Variants in DNAJA2 observed in about 807,000 individuals in gnomAD.
DNAJA2 encodes the protein dnaJ homolog subfamily A member 2.
A neutral mutation model predicts 49.3 loss-of-function variants in DNAJA2; 6 were observed. That is an observed-to-expected ratio of 0.12 (90% CI 0.07 to 0.24). The LOEUF (loss-of-function observed/expected upper bound fraction) is 0.24. Ranked by LOEUF, DNAJA2 falls within the 10% of genes least tolerant of loss-of-function variation. The pLI, the probability that DNAJA2 is intolerant of heterozygous loss-of-function variation, is 1.00. For missense variants in DNAJA2, 347 were observed against 516.8 expected (o/e 0.67, Z 3.19); for synonymous variants, 160 against 172.7 (o/e 0.93, Z 0.58).
intron 3 of DNAJA2, among the ~76,000 whole-genome samples, chr16:46,968,982 G>A (rs1962010877): frequency 6.6e-6 from 1 of 152,212 alleles, no homozygotes; most frequent in Non-Finnish European, 1.5e-5. Flanking sequence ...TGGAGATTGA[G>A]GCTGCAGTGA....
In DNAJA2 at chr16:46,968,076, A is replaced by C; in HGVS notation, c.443+8T>G. The C allele has an allele frequency of 6.3e-7, 1 of 1,591,690 alleles. No individual in the cohort carries two copies. The highest frequency in any genetic ancestry group is 1.1e-5 in the South Asian group (1 of 87,192). ...AAATGTACCCAATAAACCAGAAGACACACTTACCCACTGCATGCACTACAG... is the reference window on the plus strand; with the variant it reads ...AAATGTACCCAATAAACCAGAAGACCCACTTACCCACTGCATGCACTACAG... On this transcript the variant is annotated splice_region_variant and intron_variant, in intron 4 of 8. Transcript: ENST00000317089.
chr16:46,966,824 G>T (rs1368610070), intron 5 of DNAJA2, among the ~76,000 whole-genome samples: 2 of 152,284 alleles, frequency 1.3e-5, no homozygotes, highest in South Asian at 4.1e-4. Flanking sequence ...TACTTGTTTA[G>T]TTATTTATTA....
Position 46,961,454 on chromosome 16 carries a change from C to T in DNAJA2, c.775-2035G>A, listed in dbSNP as rs751533514. Among the ~76,000 whole-genome samples, 10 of 151,600 alleles carry T rather than the reference C, an allele frequency of 6.6e-5. No individual in the cohort carries two copies. The South Asian group carries it at 8.3e-4, about 13-fold the overall frequency. The stretch of plus-strand genomic sequence containing the variant: ...CTATAATCCTAGCACTTTGGGAGGC[C>T]GAGGTAGGCAGATCACTTGAGGTCA... On this transcript the variant is annotated intron_variant, in intron 6 of 8. Transcript: ENST00000317089.
At chr16:46,957,540 T>C (rs957996591) in intron 8 of DNAJA2, among the ~76,000 whole-genome samples, 3 of 151,686 alleles carry the variant, frequency 2.0e-5, no homozygotes. Context: ...GAGGTGGAAG[T>C]TGCAGTAAGC....
intron 8 of DNAJA2, among the ~76,000 whole-genome samples, chr16:46,957,803 C>G (rs544163947): frequency 1.1e-4 from 16 of 152,054 alleles, no homozygotes; most frequent in Non-Finnish European, 1.6e-4. Flanking sequence ...CTTCCTGCAT[C>G]CGGCATGGAC....
At chr16:46,969,536 G>T (rs1321891940) in intron 3 of DNAJA2, among the ~76,000 whole-genome samples, 1 of 152,174 alleles carries the variant, frequency 6.6e-6, no homozygotes, top group Non-Finnish European at 1.5e-5. Context: ...TAATGGTTTG[G>T]CAAGGCTGGC....
chr16:46,958,954 GA>G, intron 8 of DNAJA2, 48 bp downstream of exon 8: 1 of 1,549,498 alleles, frequency 6.5e-7, no homozygotes, highest in Non-Finnish European at 8.7e-7. Context: ...ACCAAAAACC[GA>G]ACTCCAAACT....
In DNAJA2 at chr16:46,970,776, C is replaced by T. The variant is rs1243360049; in HGVS notation, c.362+573G>A. Among the ~76,000 whole-genome samples, 3 of 128,118 alleles carry T rather than the reference C, an allele frequency of 2.3e-5. No individual in the cohort carries two copies. In the Admixed American group the frequency reaches 2.7e-4, roughly 12 times the overall value. 84.1% of individuals were successfully genotyped at this position (128,118 alleles called of 152,430 possible). On this transcript the variant is annotated intron_variant, in intron 3 of 8. Transcript: ENST00000317089. ...AAAAAAGGTCGGGCACAGTGGCTCA[C>T]GCCTGTAATCCCAGCACTTTGGGAG... is the stretch of plus-strand genomic sequence containing the variant.
intron 6 of DNAJA2, among the ~76,000 whole-genome samples, chr16:46,963,390 T>C (rs1961925553): frequency 6.6e-6 from 1 of 151,956 alleles, no homozygotes; most frequent in Admixed American, 6.6e-5. Flanking sequence ...TACACTAGGC[T>C]GGGCACTGTG....
chr16:46,961,716 A>C (rs114199540), intron 6 of DNAJA2, among the ~76,000 whole-genome samples: 31 of 152,310 alleles, frequency 2.0e-4, no homozygotes, highest in African/African-American at 6.5e-4. Flanking sequence ...CGGGGAAGCT[A>C]AACAATTTGA....
intron 2 of DNAJA2, 89 bp from the exon 3 acceptor site, chr16:46,971,661 TAAAA>T (rs71134521): frequency 8.6e-6 from 4 of 467,304 alleles, no homozygotes; most frequent in Admixed American, 4.5e-5. Flanking sequence ...CATTTAATTC[TAAAA>T]AAAAAAAAAA....
At chr16:46,965,451 T>C (rs1961955516) in intron 5 of DNAJA2, among the ~76,000 whole-genome samples, 1 of 152,178 alleles carries the variant, frequency 6.6e-6, no homozygotes, top group Admixed American at 6.5e-5. Context: ...TTTGAAGGCT[T>C]AGAAAGAAGT....
At position 46,967,660 on chromosome 16, in the gene DNAJA2, A is replaced by G. The variant is rs755809808; in HGVS notation, c.444-14T>C. 3 of 1,614,100 alleles carry G rather than the reference A, an allele frequency of 1.9e-6. No individual in the cohort carries two copies. Among genetic ancestry groups the G allele is most frequent in the South Asian group, 1.1e-5 (1 of 91,072 alleles). Reference sequence around the variant, plus strand: ...TTTCCGCCTTGGCTAAAGCAAGCACAAGTTATGCATTAGGTTTTTGTCCAC... The same window carrying G: ...TTTCCGCCTTGGCTAAAGCAAGCACGAGTTATGCATTAGGTTTTTGTCCAC... On this transcript the variant is annotated splice_polypyrimidine_tract_variant and intron_variant, in intron 4 of 8. Coordinates refer to ENST00000317089, the MANE Select transcript of DNAJA2 (RefSeq NM_005880.4).
intron 2 of DNAJA2, 121 bp downstream of exon 2, chr16:46,971,775 T>C (rs1962053681): frequency 2.0e-6 from 2 of 987,038 alleles, no homozygotes; most frequent in Non-Finnish European, 3.2e-6. Context: ...CTCTTGACAT[T>C]ATGAAAATGT....
chr16:46,972,383 C>T (rs1268060685), intron 1 of DNAJA2: 3 of 156,410 alleles, frequency 1.9e-5, no homozygotes, highest in African/African-American at 7.2e-5. Context: ...ATTCCTGCTC[C>T]CGATGGCTCA....
intron 1 of DNAJA2, chr16:46,972,185 C>T (rs1962062183): frequency 2.1e-6 from 1 of 478,734 alleles, no homozygotes; most frequent in Admixed American, 3.8e-5. Flanking sequence ...GACGTGAAAA[C>T]CAGATAAAAC....
intron 5 of DNAJA2, 54 bp from the exon 6 acceptor site, chr16:46,964,861 A>C: frequency 3.0e-6 from 4 of 1,347,524 alleles, no homozygotes; most frequent in Non-Finnish European, 4.1e-6. Context: ...TGTACTCTTA[A>C]TACCCTTATT....
At chr16:46,971,047 AAGAG>A (rs546019059) in intron 3 of DNAJA2, among the ~76,000 whole-genome samples, 4,653 of 151,984 alleles carry the variant, frequency 0.031, 73 homozygotes, top group Non-Finnish European at 0.044. Flanking sequence ...AAAAAAAAAA[AAGAG>A]AGAGAGAGAA....
chr16:46,968,518 T>C lies in DNAJA2; in HGVS notation c.363-354A>G, dbSNP rs566664672. 6.6e-5 allele frequency among the ~76,000 whole-genome samples: 10 copies of C among 152,276 alleles called. No homozygotes were observed. In the South Asian group the frequency reaches 2.1e-3, roughly 32 times the overall value. ...TCCACCTAACTCCTAATAAAAACCC[T>C]TCAGAAGAGGTACAATTATTATTCC... On this transcript the variant is annotated intron_variant, in intron 3 of 8. Coordinates refer to ENST00000317089, the MANE Select transcript of DNAJA2 (RefSeq NM_005880.4).
Sources: gnomAD v4.1 joint callset for allele counts (sites outside exome capture counted in the v4.1 genomes callset) on GRCh38, gnomAD v4.1.1 for gene constraint, MANE v1.5 for transcripts, NCBI Gene and HGNC (gene_info 2026-07-23, HGNC 2026-07-21) for gene names.